The following CCDC66 variants were observed in gnomAD, a reference collection of about 807,000 sequenced individuals.
The protein encoded by CCDC66 is coiled-coil domain containing 66.
CCDC66 carries 133 observed loss-of-function variants against 128.3 expected under a neutral mutation model. The observed-to-expected ratio is 1.04, with a 90% CI of 0.90 to 1.20. The LOEUF is 1.20. Among genes scored for constraint, CCDC66 ranks in the 50% most tolerant of loss-of-function variants. The probability of loss-of-function intolerance (pLI) is 0.00; values close to 1 mark genes in which losing one functional copy is unlikely to be tolerated. For missense variants in CCDC66, 1,126 were observed against 1,075.5 expected (o/e 1.05, Z -0.66); for synonymous variants, 387 against 357.0 (o/e 1.08, Z -0.95).
At chr3:56,565,656 G>T (rs1054158307) in intron 4 of CCDC66, among the ~76,000 whole-genome samples, 20 of 147,980 alleles carry the variant, frequency 1.4e-4, no homozygotes, top group Non-Finnish European at 1.5e-5. Context: ...TCGCTCCGTT[G>T]CCCAGGCTGG....
chr3:56,571,346 C>T, intron 7 of CCDC66, 44 bp downstream of exon 7: 1 of 1,200,170 alleles, frequency 8.3e-7, no homozygotes, highest in Non-Finnish European at 1.2e-6. Flanking sequence ...AAGCAGTGTT[C>T]ATATTATAGA....
In CCDC66 at chr3:56,566,775, C is replaced by T. The variant is rs1235270292; in HGVS notation, c.710+16C>T. The stretch of plus-strand genomic sequence containing the variant: ...AAATTGCCATGTATGTAACTCCTAT[C>T]TGTTGTTATTGTGTGGTCATCTTCA... On this transcript the variant is annotated intron_variant, in intron 5 of 17. Transcript: ENST00000394672. 8.1e-6 allele frequency: 13 copies of T among 1,601,090 alleles called. No individual in the cohort carries two copies. In the East Asian group the frequency reaches 2.9e-4, roughly 36 times the overall value.
At chr3:56,558,787 G>A (rs1323412463) in intron 1 of CCDC66, 59 bp from the exon 2 acceptor site, 2 of 1,118,278 alleles carry the variant, frequency 1.8e-6, no homozygotes, top group East Asian at 5.2e-5. Context: ...AACATTTCTG[G>A]TTATTTAAAA....
At chr3:56,585,718 A>G (rs2069574558) in intron 7 of CCDC66, among the ~76,000 whole-genome samples, 1 of 151,894 alleles carries the variant, frequency 6.6e-6, no homozygotes, top group African/African-American at 2.4e-5. Flanking sequence ...GGGTTTAATA[A>G]ATAGAGCTAA....
intron 7 of CCDC66, among the ~76,000 whole-genome samples, chr3:56,574,233 G>A (rs564357343): frequency 6.6e-5 from 10 of 151,522 alleles, no homozygotes; most frequent in East Asian, 6.0e-4. Context: ...ATGGTGGCAC[G>A]TGCCTGTAGT....
chr3:56,618,339 G>C, intron 15 of CCDC66, 127 bp downstream of exon 15: 1 of 860,412 alleles, frequency 1.2e-6, no homozygotes, highest in South Asian at 1.6e-5. Context: ...GTGGCTTCCA[G>C]GTGAGGGTTA....
At chr3:56,577,885 T>A (rs1040437020) in intron 7 of CCDC66, among the ~76,000 whole-genome samples, 3 of 151,858 alleles carry the variant, frequency 2.0e-5, no homozygotes, top group Non-Finnish European at 4.4e-5. Flanking sequence ...TTGGTTAGGA[T>A]TGTGTTGGCT....
At chr3:56,600,245 T>G (rs555182622) in intron 10 of CCDC66, among the ~76,000 whole-genome samples, 6 of 149,324 alleles carry the variant, frequency 4.0e-5, no homozygotes, top group African/African-American at 1.5e-4. Flanking sequence ...GCCTCCCGGG[T>G]TCAAGTGATT....
chr3:56,592,453 C>T (rs1362589050), intron 7 of CCDC66, among the ~76,000 whole-genome samples: 2 of 151,988 alleles, frequency 1.3e-5, no homozygotes, highest in African/African-American at 2.4e-5. Flanking sequence ...CTCCACCTCC[C>T]GGGTTCAAGT....
Position 56,621,438 on chromosome 3 carries a change from T to TA in CCDC66, c.2761-93dup, listed in dbSNP as rs1189738168. 1.5e-5 allele frequency: 13 copies of TA among 856,126 alleles called. No individual in the cohort carries two copies. The Admixed American group carries it at 3.0e-4, about 20-fold the overall frequency. 53.0% of individuals were successfully genotyped at this position (856,126 alleles called of 1,614,324 possible). A position where few individuals can be genotyped will look rare whatever the true frequency, so the allele number is the denominator to read the frequency against. The stretch of plus-strand genomic sequence containing the variant: ...AATGACAAAATTTTATCCTAAGCGA[T>TA]ATGTTTTCCAAGTGAATATAATTCT... On this transcript the variant is annotated intron_variant, in intron 17 of 17. Coordinates refer to ENST00000394672, the MANE Select transcript of CCDC66 (RefSeq NM_001141947.3).
At chr3:56,576,007 G>A (rs569115875) in intron 7 of CCDC66, among the ~76,000 whole-genome samples, 3 of 151,148 alleles carry the variant, frequency 2.0e-5, no homozygotes, top group Admixed American at 6.7e-5. Context: ...TTGTCTATTC[G>A]TGGTCCCTTG....
At position 56,571,252 on chromosome 3, in the gene CCDC66, G is replaced by GA; in HGVS notation, c.889dup (p.Ser297LysfsTer2). 1 of 1,547,088 alleles carries GA rather than the reference G, an allele frequency of 6.5e-7. No individual in the cohort carries two copies. On this transcript the variant is annotated frameshift_variant, in exon 7 of 18. Transcript: ENST00000394672. LOFTEE classifies it high-confidence loss of function. ...ATGGAATGATCCTTGGAAAAAATCT[G>GA]AAAGTGATAAAATAATATGGGAAAA...
intron 10 of CCDC66, among the ~76,000 whole-genome samples, chr3:56,606,319 G>T (rs1345589406): frequency 6.6e-6 from 1 of 151,914 alleles, no homozygotes; most frequent in African/African-American, 2.4e-5. Context: ...GCACCACTGG[G>T]GTATGGAAAA....
chr3:56,575,032 G>T (rs751148393), intron 7 of CCDC66, among the ~76,000 whole-genome samples: 15 of 151,854 alleles, frequency 9.9e-5, no homozygotes, highest in African/African-American at 1.4e-4. Context: ...TTGAGTTCCT[G>T]CTTCAATTCT....
Position 56,619,939 on chromosome 3 carries a change from A to G in CCDC66, c.2760+38A>G, listed in dbSNP as rs766315473. On this transcript the variant is annotated intron_variant, in intron 17 of 17. Coordinates refer to ENST00000394672, the MANE Select transcript of CCDC66 (RefSeq NM_001141947.3). ...TCAAGTGTAGATATGTCTGTTCTTTATGTGGCGTGGGCGGTTGGGGGAACC... is the reference window on the plus strand; with the variant it reads ...TCAAGTGTAGATATGTCTGTTCTTTGTGTGGCGTGGGCGGTTGGGGGAACC... 6.9e-6 allele frequency: 11 copies of G among 1,599,376 alleles called. No homozygotes were observed. In the African/African-American group the frequency reaches 9.4e-5, roughly 14 times the overall value.
At chr3:56,558,003 A>C (rs1457217945) in intron 1 of CCDC66, 1 of 152,260 alleles carries the variant, frequency 6.6e-6, no homozygotes, top group Non-Finnish European at 1.5e-5. Context: ...ACGTTTCACC[A>C]ACATAAACAC....
intron 10 of CCDC66, among the ~76,000 whole-genome samples, chr3:56,595,015 G>A (rs1444654926): frequency 6.6e-6 from 1 of 152,042 alleles, no homozygotes; most frequent in Admixed American, 6.6e-5. Flanking sequence ...GAAATGCATT[G>A]GAAATTTGAC....
At chr3:56,563,474 A>G (rs547634296) in intron 3 of CCDC66, 28 of 531,182 alleles carry the variant, frequency 5.3e-5, no homozygotes, top group Middle Eastern at 4.9e-4. Context: ...GAGATGTCCT[A>G]TAACAACTAT....
At chr3:56,612,606 G>A (rs976677740) in intron 10 of CCDC66, among the ~76,000 whole-genome samples, 19 of 152,220 alleles carry the variant, frequency 1.2e-4, no homozygotes, top group African/African-American at 4.6e-4. Flanking sequence ...TAGTAGTAGT[G>A]GGACAACCCT....
Sources: allele counts gnomAD v4.1 joint callset (sites outside exome capture counted in the v4.1 genomes callset), GRCh38; gene constraint gnomAD v4.1.1; transcripts MANE v1.5; gene names NCBI Gene and HGNC (gene_info 2026-07-23, HGNC 2026-07-21).